SHANK1: variants seen among roughly 807,000 people sequenced by gnomAD.
The protein encoded by SHANK1 is SH3 and multiple ankyrin repeat domains 1, also known as SH3 and multiple ankyrin repeat domains protein 1.
SHANK1 carries 35 observed loss-of-function variants against 165.6 expected under a neutral mutation model. The observed-to-expected ratio is 0.21, with a 90% CI of 0.16 to 0.28. The LOEUF is 0.28. Ranked by LOEUF, SHANK1 falls within the 10% of genes least tolerant of loss-of-function variation. The pLI, the probability that SHANK1 is intolerant of heterozygous loss-of-function variation, is 1.00. For synonymous variants in SHANK1, 1,428 were observed against 1,384.8 expected, an observed-to-expected ratio of 1.03 and a Z score of -0.69; for missense variants, 2,681 against 3,036.4, an observed-to-expected ratio of 0.88 and a Z score of 2.75.
rs1186827077 is a variant in SHANK1 at position 50,666,522 on chromosome 19, C to T, written c.5438G>A (p.Gly1813Glu). 2 of 1,586,374 alleles carry T rather than the reference C, an allele frequency of 1.3e-6. No individual in the cohort carries two copies. The highest frequency in any genetic ancestry group is 2.3e-5 in the East Asian group (1 of 43,834). ...TTCTGGCTCTACAGCCACCGGACCCCCCGCCACGCCTGCCGTGGGGGGTCC... is the reference window on the plus strand; with the variant it reads ...TTCTGGCTCTACAGCCACCGGACCCTCCGCCACGCCTGCCGTGGGGGGTCC... ...CSGPPTAGVAGGPVAVEPEVP... is the reference protein window; with the variant it reads ...CSGPPTAGVAEGPVAVEPEVP... Residue 1813 changes from glycine to glutamate, a missense_variant, in exon 23 of 24, where the codon GGG becomes GAG. By Grantham distance (98) the Gly-to-Glu change is moderately conservative. Around this residue, in one of 10 missense-constraint regions of SHANK1, gnomAD observed 1,713 missense variants for 1,630.2 expected, o/e 1.05. Transcript: ENST00000293441.
In SHANK1 at chr19:50,670,598, G is replaced by A. The variant is rs1985752508; in HGVS notation, c.2675-1313C>T. ...TCACCATGACTCCCCAGACCCTGCA[G>A]GATCGGGACCCTGTCCCCCCACTGC... On this transcript the variant is annotated intron_variant, in intron 22 of 23. Coordinates refer to ENST00000293441, the MANE Select transcript of SHANK1 (RefSeq NM_016148.5). This position sits in a 1 kb window ranked among gnomAD's most constrained non-coding sequence, Gnocchi z 4.1. Among the ~76,000 whole-genome samples the A allele has an allele frequency of 1.3e-5, 2 of 152,196 alleles. No individual in the cohort carries two copies. Among genetic ancestry groups the A allele is most frequent in the African/African-American group, 2.4e-5 (1 of 41,534 alleles).
chr19:50,684,115 G>T (rs1246809723), intron 21 of SHANK1, among the ~76,000 whole-genome samples: 1 of 152,206 alleles, frequency 6.6e-6, no homozygotes, highest in Non-Finnish European at 1.5e-5. Flanking sequence ...GAGGAATTAT[G>T]AGAAGTTTGC....
chr19:50,699,906 A>G (rs1259427267), intron 12 of SHANK1, among the ~76,000 whole-genome samples: 22 of 103,160 alleles, frequency 2.1e-4, no homozygotes, highest in Non-Finnish European at 2.2e-4. Flanking sequence ...GCATTGGAGG[A>G]TTGGAGGGCT....
rs1192061860 is a variant in SHANK1 at position 50,668,249 on chromosome 19, C to G, written c.3711G>C (p.Val1237=). 2 of 1,446,644 alleles carry G rather than the reference C, an allele frequency of 1.4e-6. No individual in the cohort carries two copies. The highest frequency in any genetic ancestry group is 1.5e-5 in the South Asian group (1 of 68,470). 89.6% of individuals were successfully genotyped at this position (1,446,644 alleles called of 1,614,324 possible). The part of the protein sequence containing the change: ...DFTSQFGAAL[V]GAARREGGWQ... Reference sequence around the variant, plus strand: ...AGCCCCCCTCCCTCCGGGCCGCCCCCACCAGGGCGGCCCCGAACTGGCTCG... The same window carrying G: ...AGCCCCCCTCCCTCCGGGCCGCCCCGACCAGGGCGGCCCCGAACTGGCTCG... Residue 1237 remains valine, a synonymous_variant, in exon 23 of 24, where the codon GTG becomes GTC. Transcript: ENST00000293441.
At chr19:50,687,818 G>C (rs946938913) in intron 18 of SHANK1, 105 bp downstream of exon 18, 5 of 1,480,518 alleles carry the variant, frequency 3.4e-6, no homozygotes, top group Non-Finnish European at 4.6e-6. Context: ...CGGAGAAGCA[G>C]TGCTAGGGAA....
At position 50,716,457 on chromosome 19, in the gene SHANK1, C is replaced by T. The variant is rs768707641; in HGVS notation, c.277G>A (p.Asp93Asn). 13 of 1,614,072 alleles carry T rather than the reference C, an allele frequency of 8.1e-6. No individual in the cohort carries two copies. The highest frequency in any genetic ancestry group is 2.2e-5 in the East Asian group (1 of 44,864). Reference protein sequence around the residue: ...HQTKCLRFNPDATIWTAKQQV... With the variant: ...HQTKCLRFNPNATIWTAKQQV... Reference sequence around the variant, plus strand: ...TGCTTGGCCGTCCAGATGGTGGCATCGGGGTTGAAGCGAAGGCATTTCTGG... The same window carrying T: ...TGCTTGGCCGTCCAGATGGTGGCATTGGGGTTGAAGCGAAGGCATTTCTGG... Residue 93 changes from aspartate (D) to asparagine (N), a missense_variant, in exon 3 of 24, where the codon GAT becomes AAT. Physicochemically the swap from Asp to Asn is conservative, Grantham distance 23 (BLOSUM62 1). This residue lies in a region of SHANK1 where 189 missense variants were observed against 440.9 expected (regional missense o/e 0.43). Coordinates refer to ENST00000293441, the MANE Select transcript of SHANK1 (RefSeq NM_016148.5). The surrounding 1 kb of genome is among the most constrained non-coding windows in gnomAD (Gnocchi z 8.4).
At chr19:50,710,114 C>T (rs994290414) in intron 8 of SHANK1, among the ~76,000 whole-genome samples, 6 of 152,294 alleles carry the variant, frequency 3.9e-5, no homozygotes, top group Non-Finnish European at 2.9e-5. Context: ...GGGGCCAGGG[C>T]TTCTTCCCCA....
At position 50,661,145 on chromosome 19, in the gene SHANK1, CTG is replaced by C. The variant is rs942405292; in HGVS notation, c.*818_*819del. ...AGAGAATGAATGATGTGCATGGAGT[CTG>C]TGAGGGGGAGGGAAAATGTGTCCCA... On this transcript the variant is annotated 3_prime_UTR_variant, in exon 24 of 24. Coordinates refer to ENST00000293441, the MANE Select transcript of SHANK1 (RefSeq NM_016148.5). 1.3e-5 allele frequency among the ~76,000 whole-genome samples: 2 copies of C among 151,844 alleles called. No individual in the cohort carries two copies. The highest frequency in any genetic ancestry group is 1.5e-5 in the Non-Finnish European group (1 of 67,992).
rs756648729 is a variant in SHANK1, at chr19:50,712,126, G to A, written c.793-12C>T. On this transcript the variant is annotated splice_polypyrimidine_tract_variant and intron_variant, in intron 6 of 23. Coordinates refer to ENST00000293441, the MANE Select transcript of SHANK1 (RefSeq NM_016148.5). The stretch of plus-strand genomic sequence containing the variant: ...AGGTCCAGGAGCGCCTAGGAACGGA[G>A]AGAGAACCCAGTAGAAAAACACAGA... The A allele has an allele frequency of 3.1e-5, 48 of 1,566,708 alleles. No homozygotes were observed. The Middle Eastern group carries it at 5.2e-4, about 17-fold the overall frequency.
At chr19:50,672,729 G>A (rs1034121690) in intron 21 of SHANK1, among the ~76,000 whole-genome samples, 4 of 152,076 alleles carry the variant, frequency 2.6e-5, no homozygotes, top group African/African-American at 9.7e-5. Context: ...CCCCACCAGT[G>A]TTCTCCGGGA....
chr19:50,712,164 A>G (rs201031954), intron 6 of SHANK1, 50 bp from the exon 7 acceptor site: 208 of 1,530,840 alleles, frequency 1.4e-4, no homozygotes, highest in Admixed American at 3.3e-4. Context: ...ACAGTCACAC[A>G]TTAACCAGCT....
rs991945241 is a variant in SHANK1, at chr19:50,668,067, T to C, written c.3893A>G (p.Tyr1298Cys). 4.1e-5 allele frequency: 61 copies of C among 1,478,468 alleles called. No homozygotes were observed. The highest frequency in any genetic ancestry group is 9.2e-5 in the Admixed American group (4 of 43,638). The allele number at this position is 1,478,468 out of a possible 1,614,324, so 91.6% of individuals were successfully genotyped here. A position where few individuals can be genotyped will look rare whatever the true frequency, so the allele number is the denominator to read the frequency against. Reference protein sequence around the residue: ...IDEGMFSAEPYLRLESAGSGA... With the variant: ...IDEGMFSAEPCLRLESAGSGA... ...GCTGCCCGCAGACTCCAGTCGGAGG[T>C]AGGGCTCGGCGGAGAACATGCCCTC... Residue 1298 changes from tyrosine (Y) to cysteine (C), a missense_variant, in exon 23 of 24, where the codon TAC (tyrosine) becomes TGC (cysteine). This residue lies in a region of SHANK1 where 1,713 missense variants were observed against 1,630.2 expected (regional missense o/e 1.05). Transcript: ENST00000293441.
intron 7 of SHANK1, 100 bp downstream of exon 7, chr19:50,711,847 T>C: frequency 7.5e-7 from 1 of 1,330,594 alleles, no homozygotes; most frequent in Non-Finnish European, 1.1e-6. Flanking sequence ...ACCCCCATGC[T>C]CTGTGAGGAC....
At position 50,669,125 on chromosome 19, in the gene SHANK1, G is replaced by A. The variant is rs1206764393; in HGVS notation, c.2835C>T (p.Leu945=). The A allele has an allele frequency of 1.3e-6, 2 of 1,526,696 alleles. No individual in the cohort carries two copies. The highest frequency in any genetic ancestry group is 1.4e-5 in the African/African-American group (1 of 71,594). 94.6% of individuals were successfully genotyped at this position (1,526,696 alleles called of 1,614,324 possible). A position where few individuals can be genotyped will look rare whatever the true frequency, so the allele number is the denominator to read the frequency against. ...AGGGCCCTCCCCGAGGGGAGGGGGT[G>A]AGGCGCCCTGAGGAGGAGGGGACTG... The part of the protein sequence containing the change: ...TPPVPSSSGR[L]TPSPRGGPFN... Residue 945 remains leucine, a synonymous_variant, in exon 23 of 24, where the codon CTC becomes CTT. Transcript: ENST00000293441.
intron 21 of SHANK1, among the ~76,000 whole-genome samples, chr19:50,682,567 G>T (rs1451112338): frequency 6.6e-6 from 1 of 152,166 alleles, no homozygotes; most frequent in Non-Finnish European, 1.5e-5. Context: ...CCATTTGTCT[G>T]TTAATATAGA....
intron 8 of SHANK1, among the ~76,000 whole-genome samples, chr19:50,710,530 G>T (rs949540973): frequency 2.0e-5 from 3 of 152,190 alleles, no homozygotes; most frequent in African/African-American, 7.2e-5. Context: ...TGCAGCTCAG[G>T]TGGCTAAAGT....
chr19:50,664,328 G>A (rs1304400380), intron 23 of SHANK1, among the ~76,000 whole-genome samples: 1 of 152,104 alleles, frequency 6.6e-6, no homozygotes, highest in Non-Finnish European at 1.5e-5. Context: ...CTTTCTCTAG[G>A]ACTAGAAGGT....
chr19:50,669,054 G>T lies in SHANK1; in HGVS notation c.2906C>A (p.Ser969Tyr). Residue 969 changes from serine (S) to tyrosine (Y), a missense_variant, in exon 23 of 24, where the codon TCC (serine) becomes TAC (tyrosine). Physicochemically the swap from Ser to Tyr is moderately radical, Grantham distance 144. This residue lies in a region of SHANK1 where 1,713 missense variants were observed against 1,630.2 expected (regional missense o/e 1.05). Transcript: ENST00000293441. ...GTCGGGAGGGGAGGGCCCGTCAAAGGATGCAGGGGAGGAGGCGGGGAGGGG... is the reference window on the plus strand; with the variant it reads ...GTCGGGAGGGGAGGGCCCGTCAAAGTATGCAGGGGAGGAGGCGGGGAGGGG... Reference protein sequence around the residue: ...GGPLPASSPASFDGPSPPDTR... With the variant: ...GGPLPASSPAYFDGPSPPDTR... 4.0e-6 allele frequency: 4 copies of T among 999,934 alleles called. No individual in the cohort carries two copies. The highest frequency in any genetic ancestry group is 5.7e-6 in the Non-Finnish European group (4 of 698,466). 61.9% of individuals were successfully genotyped at this position (999,934 alleles called of 1,614,324 possible).
chr19:50,673,242 T>C (rs1048620869), intron 21 of SHANK1, among the ~76,000 whole-genome samples: 2 of 151,924 alleles, frequency 1.3e-5, no homozygotes, highest in Admixed American at 6.6e-5. Context: ...TCCCTGAAGG[T>C]TCCCCCGTAG....
Sources: gnomAD v4.1 joint callset for allele counts (sites outside exome capture counted in the v4.1 genomes callset) on GRCh38, gnomAD v4.1.1 for gene constraint, gnomAD v4.1.1 regional missense constraint, Gnocchi (gnomAD v3.1) non-coding constraint, MANE v1.5 for transcripts, NCBI Gene and HGNC (gene_info 2026-07-23, HGNC 2026-07-21) for gene names.